Variants in MED13L observed in about 807,000 individuals in gnomAD.
MED13L encodes mediator complex subunit 13L.
A neutral mutation model predicts 220.9 loss-of-function variants in MED13L; 7 were observed. The observed-to-expected ratio is 0.03, with a 90% confidence interval of 0.02 to 0.06. MED13L has a LOEUF of 0.06. Ranked by LOEUF, MED13L falls within the 10% of genes least tolerant of loss-of-function variation. MED13L has a pLI of 1.00. For synonymous variants in MED13L, 1,011 were observed against 1,015.2 expected (o/e 1.00, Z 0.08); for missense variants, 1,965 against 2,760.5 (o/e 0.71, Z 6.46).
intron 30 of MED13L, chr12:115,962,797 G>A (rs1012466733): frequency 1.9e-5 from 3 of 160,010 alleles, no homozygotes; most frequent in African/African-American, 7.2e-5. Flanking sequence ...GGCTGAGGCA[G>A]GCAGATCATG....
intron 4 of MED13L, among the ~76,000 whole-genome samples, chr12:116,063,482 C>A (rs545310974): frequency 5.3e-5 from 8 of 152,166 alleles, no homozygotes; most frequent in Non-Finnish European, 1.0e-4. Flanking sequence ...CGTGCCACTG[C>A]ACTTCAGCCT....
chr12:116,000,202 C>T (rs898435908), intron 14 of MED13L, among the ~76,000 whole-genome samples: 1 of 152,058 alleles, frequency 6.6e-6, no homozygotes, highest in African/African-American at 2.4e-5. Context: ...TTGAGATGAC[C>T]AAAGGGAATC....
At chr12:116,139,768 G>A (rs1459036796) in intron 2 of MED13L, among the ~76,000 whole-genome samples, 1 of 151,844 alleles carries the variant, frequency 6.6e-6, no homozygotes, top group Non-Finnish European at 1.5e-5. Context: ...TCAGGAGTTC[G>A]AAGCCAGCCT....
rs201393326 is a variant in MED13L, at chr12:116,116,221, C to T, written c.311-4709G>A. Among the ~76,000 whole-genome samples, 7 of 152,270 alleles carry T rather than the reference C, an allele frequency of 4.6e-5. No homozygotes were observed. The East Asian group carries it at 1.4e-3, about 29-fold the overall frequency. On this transcript the variant is annotated intron_variant, in intron 2 of 30. Transcript: ENST00000281928. ...TGACCAGAGGGTTAGAACTTTCTAT[C>T]TCAGCCCCCTATTCCCCAACCCCCA...
chr12:116,177,268 T>C (rs1184931073), intron 2 of MED13L, among the ~76,000 whole-genome samples: 1 of 152,192 alleles, frequency 6.6e-6, no homozygotes, highest in Non-Finnish European at 1.5e-5. Flanking sequence ...CTGACTTCTA[T>C]TATCGTAAGT....
intron 2 of MED13L, among the ~76,000 whole-genome samples, chr12:116,128,500 G>C (rs534401499): frequency 6.6e-6 from 1 of 150,440 alleles, no homozygotes; most frequent in Admixed American, 6.7e-5. Flanking sequence ...ACAATGTAAA[G>C]TAGTTACTGT....
At chr12:115,964,393 A>C (rs189077854) in intron 29 of MED13L, among the ~76,000 whole-genome samples, 175 of 152,312 alleles carry the variant, frequency 1.1e-3, no homozygotes, top group Middle Eastern at 3.4e-3. Context: ...GTCCCACTTG[A>C]AGTCACATGA....
At chr12:116,243,565 A>T (rs79691071) in intron 1 of MED13L, among the ~76,000 whole-genome samples, 42 of 152,212 alleles carry the variant, frequency 2.8e-4, no homozygotes, top group Non-Finnish European at 6.0e-4. Context: ...CCTATTCTTC[A>T]CATACAATAT....
intron 1 of MED13L, chr12:116,276,308 T>TTGTG (rs372521434): frequency 0.1 from 22,610 of 224,504 alleles, 1,459 homozygotes; most frequent in East Asian, 0.13. Flanking sequence ...CTTGTTGCTT[T>TTGTG]TGTGTGTGTG....
intron 23 of MED13L, among the ~76,000 whole-genome samples, chr12:115,975,950 C>T (rs1876909484): frequency 6.6e-6 from 1 of 152,014 alleles, no homozygotes; most frequent in Admixed American, 6.6e-5. Context: ...CTCAATCAAG[C>T]CAGTATTTCC....
At chr12:116,000,563 G>A (rs1250247131) in intron 14 of MED13L, among the ~76,000 whole-genome samples, 6 of 152,076 alleles carry the variant, frequency 3.9e-5, no homozygotes, top group Middle Eastern at 3.2e-3. Flanking sequence ...CTTCCAAACC[G>A]TAAGGACTCT....
chr12:116,126,941 A>G (rs1326834707), intron 2 of MED13L, among the ~76,000 whole-genome samples: 1 of 152,244 alleles, frequency 6.6e-6, no homozygotes, highest in Non-Finnish European at 1.5e-5. Flanking sequence ...TCAGTTTGAT[A>G]GGCAGGCCTT....
At chr12:116,276,773 G>A in intron 1 of MED13L, 2 of 1,294,128 alleles carry the variant, frequency 1.5e-6, no homozygotes, top group Non-Finnish European at 1.0e-6. Flanking sequence ...GAGGGTGGGC[G>A]TTCGAAGTGC....
chr12:115,985,245 T>A (rs1877606817), intron 19 of MED13L, among the ~76,000 whole-genome samples: 1 of 152,334 alleles, frequency 6.6e-6, no homozygotes, highest in Non-Finnish European at 1.5e-5. Flanking sequence ...TAAAACTGCT[T>A]ACACAAATTT....
rs760855189 is a variant in MED13L at position 116,100,598 on chromosome 12, CAAAAAAAAAAAA to C, written c.396-3858_396-3847del. 1.6e-4 allele frequency among the ~76,000 whole-genome samples: 11 copies of C among 68,002 alleles called. No individual in the cohort carries two copies. In the East Asian group the frequency reaches 3.2e-3, roughly 20 times the overall value. 44.6% of individuals were successfully genotyped at this position (68,002 alleles called of 152,430 possible). A position where few individuals can be genotyped will look rare whatever the true frequency, so the allele number is the denominator to read the frequency against. Reference sequence around the variant, plus strand: ...CTGGGTGAAAAGAGAGACTCCGTCTCAAAAAAAAAAAAAAAAAAAAAAAATTAATCAGCCAGG... The same window carrying C: ...CTGGGTGAAAAGAGAGACTCCGTCTCAAAAAAAAAAAATTAATCAGCCAGG... On this transcript the variant is annotated intron_variant, in intron 3 of 30. Transcript: ENST00000281928.
intron 9 of MED13L, among the ~76,000 whole-genome samples, chr12:116,012,518 G>T (rs573947259): frequency 9.0e-4 from 137 of 152,218 alleles, no homozygotes; most frequent in African/African-American, 3.1e-3. Flanking sequence ...GTCATTTAAA[G>T]GGCTAAGAAC....
At chr12:116,210,551 C>CTATA (rs3043762) in intron 2 of MED13L, among the ~76,000 whole-genome samples, 4,783 of 113,406 alleles carry the variant, frequency 0.042, 126 homozygotes, top group East Asian at 0.069. Flanking sequence ...AGAACGTAAC[C>CTATA]TATATATATA....
Position 116,003,084 on chromosome 12 carries a change from G to A in MED13L, c.2488C>T (p.Arg830Cys), listed in dbSNP as rs375719087. The change falls in exon 14 of 31, where the codon CGC (arginine) becomes TGC (cysteine). Residue 830 changes from arginine (R) to cysteine (C), a missense_variant. Arg to Cys is a radical substitution (Grantham distance 180). Coordinates refer to ENST00000281928, the MANE Select transcript of MED13L (RefSeq NM_015335.5). ...DELGAVSPAL[R>C]SSKMPAVGTE... ...CCAACTGCAGGCATTTTTGATGAGC[G>A]CAGAGCAGGTGATACAGCCTAAGAA... 6.8e-6 allele frequency: 11 copies of A among 1,613,872 alleles called. No homozygotes were observed. In the East Asian group the frequency reaches 8.9e-5, roughly 13 times the overall value.
chr12:116,259,205 A>G (rs1872308555), intron 1 of MED13L, among the ~76,000 whole-genome samples: 2 of 152,216 alleles, frequency 1.3e-5, no homozygotes, highest in Admixed American at 6.5e-5. Flanking sequence ...TGAGTAAACT[A>G]TATCTAAATT....
Sources: gnomAD v4.1 joint callset for allele counts (sites outside exome capture counted in the v4.1 genomes callset) on GRCh38, gnomAD v4.1.1 for gene constraint, MANE v1.5 for transcripts, NCBI Gene and HGNC (gene_info 2026-07-23, HGNC 2026-07-21) for gene names.